Variants in SLC9A1 observed in about 807,000 individuals in gnomAD.
The protein encoded by SLC9A1 is sodium/hydrogen exchanger 1.
SLC9A1 carries 22 observed loss-of-function variants against 67.9 expected under a neutral mutation model. The observed-to-expected ratio is 0.32, with a 90% CI of 0.23 to 0.46. SLC9A1 has a LOEUF of 0.46. Among genes scored for constraint, SLC9A1 ranks in the 20% least tolerant of loss-of-function variants. SLC9A1 has a pLI of 1.00. For synonymous variants in SLC9A1, 421 were observed against 471.8 expected, an observed-to-expected ratio of 0.89 and a Z score of 1.40; for missense variants, 686 against 1,094.8, an observed-to-expected ratio of 0.63 and a Z score of 5.27.
In SLC9A1 at chr1:27,114,442, C is replaced by T. The variant is rs1034872906; in HGVS notation, c.353-156G>A. Among the ~76,000 whole-genome samples, 3 of 152,130 alleles carry T rather than the reference C, an allele frequency of 2.0e-5. No individual in the cohort carries two copies. Among genetic ancestry groups the T allele is most frequent in the Admixed American group, 6.5e-5 (1 of 15,278 alleles). On this transcript the variant is annotated intron_variant, in intron 1 of 11. Transcript: ENST00000263980. This position sits in a 1 kb window ranked among gnomAD's most constrained non-coding sequence, Gnocchi z 5.4. ...TGTTAACTCTCTGAGCCTCCGCTTC[C>T]TCGCCTGTAAAATGGAAGGGACAAT... is the stretch of plus-strand genomic sequence containing the variant.
In SLC9A1 at chr1:27,107,882, C is replaced by G. The variant is rs539531871; in HGVS notation, c.1065-17G>C. The G allele has an allele frequency of 6.4e-7, 1 of 1,566,764 alleles. No homozygotes were observed. ...GCTATGAGCCTGGAGCAGGAAAGAGCGGGGTCAGGGCTCCGTGTCGAGCTG... is the reference window on the plus strand; with the variant it reads ...GCTATGAGCCTGGAGCAGGAAAGAGGGGGGTCAGGGCTCCGTGTCGAGCTG... On this transcript the variant is annotated splice_polypyrimidine_tract_variant and intron_variant, in intron 3 of 11. Transcript: ENST00000263980.
In SLC9A1 at chr1:27,114,951, C is replaced by T. The variant is rs2083255250; in HGVS notation, c.353-665G>A. On this transcript the variant is annotated intron_variant, in intron 1 of 11. Coordinates refer to ENST00000263980, the MANE Select transcript of SLC9A1 (RefSeq NM_003047.5). This position sits in a 1 kb window ranked among gnomAD's most constrained non-coding sequence, Gnocchi z 5.4. ...TGAGTCCAGGCAGCTGCTCAAGACA[C>T]GGCTCAAGGATGTCAGTGGCAACCA... Among the ~76,000 whole-genome samples the T allele has an allele frequency of 6.6e-6, 1 of 152,144 alleles. No homozygotes were observed. Among genetic ancestry groups the T allele is most frequent in the Non-Finnish European group, 1.5e-5 (1 of 68,028 alleles).
At chr1:27,120,875 T>C (rs559719291) in intron 1 of SLC9A1, among the ~76,000 whole-genome samples, 1 of 152,126 alleles carries the variant, frequency 6.6e-6, no homozygotes, top group Non-Finnish European at 1.5e-5. Flanking sequence ...ATTTGACAGA[T>C]GAAGAAATCC....
intron 1 of SLC9A1, among the ~76,000 whole-genome samples, chr1:27,133,056 G>T (rs1021178150): frequency 4.6e-5 from 7 of 151,958 alleles, no homozygotes; most frequent in Non-Finnish European, 1.0e-4. Flanking sequence ...GCCCGTCAGG[G>T]TTTTGTTTCC....
rs770129667 is a variant in SLC9A1 at position 27,114,192 on chromosome 1, T to C, written c.447A>G (p.Val149=). The change falls in exon 2 of 12, where the codon GTA becomes GTG. Residue 149 remains valine, a synonymous_variant. Coordinates refer to ENST00000263980, the MANE Select transcript of SLC9A1 (RefSeq NM_003047.5). This position sits in a 1 kb window ranked among gnomAD's most constrained non-coding sequence, Gnocchi z 5.4. ...GLLVGGLIKG[V]GETPPFLQSD... The stretch of plus-strand genomic sequence containing the variant: ...ACTGCAGGAAGGGGGGTGTCTCGCC[T>C]ACACCCTTGATCAGGCCCCCCACCA... The C allele has an allele frequency of 1.5e-5, 24 of 1,614,026 alleles. No individual in the cohort carries two copies. The highest frequency in any genetic ancestry group is 2.0e-5 in the Non-Finnish European group (24 of 1,179,910).
rs1286276079 is a variant in SLC9A1, at chr1:27,109,416, A to G, written c.1064+111T>C. On this transcript the variant is annotated intron_variant, in intron 3 of 11. Transcript: ENST00000263980. The surrounding 1 kb of genome is among the most constrained non-coding windows in gnomAD (Gnocchi z 5.5). Reference sequence around the variant, plus strand: ...CCTGGAGTTCATGTCTCATCCCTGGAGCTCAAGGCTGGGCCCTGGGAGCTC... The same window carrying G: ...CCTGGAGTTCATGTCTCATCCCTGGGGCTCAAGGCTGGGCCCTGGGAGCTC... The G allele has an allele frequency of 3.4e-6, 4 of 1,174,260 alleles. No individual in the cohort carries two copies. Among genetic ancestry groups the G allele is most frequent in the Admixed American group, 3.6e-5 (2 of 54,802 alleles). 72.7% of individuals were successfully genotyped at this position (1,174,260 alleles called of 1,614,324 possible). A position where few individuals can be genotyped will look rare whatever the true frequency, so the allele number is the denominator to read the frequency against.
chr1:27,101,858 GC>G lies in SLC9A1; in HGVS notation c.1936-33del, dbSNP rs1226890126. 5 of 1,542,220 alleles carry G rather than the reference GC, an allele frequency of 3.2e-6. No individual in the cohort carries two copies. Among genetic ancestry groups the G allele is most frequent in the Non-Finnish European group, 4.5e-6 (5 of 1,118,078 alleles). ...GAGGGACAGCGTCAGGGCAGTGCGG[GC>G]CCCGGAAGGCTCTGCTCATGGAGGG... On this transcript the variant is annotated intron_variant, in intron 9 of 11. Coordinates refer to ENST00000263980, the MANE Select transcript of SLC9A1 (RefSeq NM_003047.5). The surrounding 1 kb of genome is among the most constrained non-coding windows in gnomAD (Gnocchi z 4.9).
chr1:27,128,136 G>A (rs1024777239), intron 1 of SLC9A1, among the ~76,000 whole-genome samples: 3 of 152,198 alleles, frequency 2.0e-5, no homozygotes, highest in African/African-American at 7.2e-5. Flanking sequence ...AAGCTTGCAC[G>A]AGGCAGCAGC....
chr1:27,102,435 C>G lies in SLC9A1; in HGVS notation c.1770G>C (p.Glu590Asp). 6.2e-7 allele frequency: 1 copy of G among 1,609,244 alleles called. No individual in the cohort carries two copies. Among genetic ancestry groups the G allele is most frequent in the African/African-American group, 1.3e-5 (1 of 74,984 alleles). Residue 590 changes from glutamate (E) to aspartate (D), a missense_variant, in exon 8 of 12, where the codon GAG becomes GAC. By Grantham distance (45) the Glu-to-Asp change is conservative (BLOSUM62 2). Around this residue, in one of 7 missense-constraint regions of SLC9A1, gnomAD observed 168 missense variants for 375.4 expected, o/e 0.45. Coordinates refer to ENST00000263980, the MANE Select transcript of SLC9A1 (RefSeq NM_003047.5). Reference sequence around the variant, plus strand: ...AGGGGATCTTGCCCATGCCCCCGCTCTCCACCAGCTCGATGGCCTGCTTCA... The same window carrying G: ...AGGGGATCTTGCCCATGCCCCCGCTGTCCACCAGCTCGATGGCCTGCTTCA... Reference protein sequence around the residue: ...MEMKQAIELVESGGMGKIPSA... With the variant: ...MEMKQAIELVDSGGMGKIPSA...
intron 1 of SLC9A1, among the ~76,000 whole-genome samples, chr1:27,140,333 T>C (rs567176325): frequency 6.6e-6 from 1 of 152,282 alleles, no homozygotes; most frequent in East Asian, 1.9e-4. Context: ...TTGCTGAACA[T>C]GTGTCTCCCC....
intron 1 of SLC9A1, among the ~76,000 whole-genome samples, chr1:27,143,127 C>A (rs1246021899): frequency 6.6e-6 from 1 of 151,064 alleles, no homozygotes; most frequent in Non-Finnish European, 1.5e-5. Flanking sequence ...CAACTGTCTG[C>A]AGACTATTTT....
At chr1:27,120,118 GT>G (rs531248912) in intron 1 of SLC9A1, among the ~76,000 whole-genome samples, 3 of 150,678 alleles carry the variant, frequency 2.0e-5, no homozygotes, top group African/African-American at 2.5e-5. Flanking sequence ...GGGATGGGAG[GT>G]TTTTTTTGTT....
At chr1:27,108,938 G>A (rs1016231236) in intron 3 of SLC9A1, among the ~76,000 whole-genome samples, 5 of 152,092 alleles carry the variant, frequency 3.3e-5, no homozygotes, top group South Asian at 2.1e-4. Context: ...CTTGGAGCTC[G>A]GAGTCCTCCC....
intron 1 of SLC9A1, among the ~76,000 whole-genome samples, chr1:27,131,623 C>T (rs182372892): frequency 6.6e-6 from 1 of 151,410 alleles, no homozygotes; most frequent in East Asian, 1.9e-4. Context: ...TGGCGCGCGC[C>T]TGTAGTCCCA....
chr1:27,120,480 G>A (rs959359782), intron 1 of SLC9A1, among the ~76,000 whole-genome samples: 1 of 151,394 alleles, frequency 6.6e-6, no homozygotes, highest in Non-Finnish European at 1.5e-5. Context: ...GCTCACGTCT[G>A]TAATCCCATC....
chr1:27,102,088 T>C lies in SLC9A1; in HGVS notation c.1863A>G (p.Pro621=), dbSNP rs775998463. ...CCTCCTCCTTGTCCTTGGACAGTGC[T>C]GGCAGGATGCGCTCGGAAGGCAGGG... ...PKSLPSERIL[P]ALSKDKEEEI... Residue 621 remains proline (P), a synonymous_variant, in exon 9 of 12, where the codon CCA becomes CCG. Transcript: ENST00000263980. The C allele has an allele frequency of 6.2e-7, 1 of 1,614,088 alleles. No individual in the cohort carries two copies. The highest frequency in any genetic ancestry group is 1.7e-5 in the Admixed American group (1 of 60,024).
chr1:27,100,582 G>T lies in SLC9A1; in HGVS notation c.2173C>A (p.Gln725Lys). Residue 725 changes from glutamine (Q) to lysine (K), a missense_variant, in exon 12 of 12, where the codon CAG (glutamine) becomes AAG (lysine). This residue lies in a region of SLC9A1 where 226 missense variants were observed against 282.4 expected (regional missense o/e 0.80). Coordinates refer to ENST00000263980, the MANE Select transcript of SLC9A1 (RefSeq NM_003047.5). This position sits in a 1 kb window ranked among gnomAD's most constrained non-coding sequence, Gnocchi z 5.6. ...ACCAGGTCCACAGACTCGGGTGACT[G>T]CGGGGAAGCCGGGTCGATGGTGATG... is the stretch of plus-strand genomic sequence containing the variant. The part of the protein sequence containing the change: ...PVITIDPASP[Q>K]SPESVDLVNE... The T allele has an allele frequency of 6.2e-7, 1 of 1,613,922 alleles. No individual in the cohort carries two copies. The highest frequency in any genetic ancestry group is 2.2e-5 in the East Asian group (1 of 44,882).
rs1157275362 is a variant in SLC9A1, at chr1:27,106,417, G to T, written c.1283-330C>A. Among the ~76,000 whole-genome samples the T allele has an allele frequency of 6.6e-6, 1 of 152,056 alleles. No homozygotes were observed. The highest frequency in any genetic ancestry group is 2.4e-5 in the African/African-American group (1 of 41,414). ...ACTTGTTAAATGTGATGGGTGTGTG[G>T]GGGGTCATGATCCTATTCTCTCTAC... On this transcript the variant is annotated intron_variant, in intron 4 of 11. Transcript: ENST00000263980. This position sits in a 1 kb window ranked among gnomAD's most constrained non-coding sequence, Gnocchi z 4.3.
rs1570839797 is a variant in SLC9A1 at position 27,099,963 on chromosome 1, C to CTAAG, written c.*340_*343dup. 1 of 272,516 alleles carries CTAAG rather than the reference C, an allele frequency of 3.7e-6. No individual in the cohort carries two copies. Among genetic ancestry groups the CTAAG allele is most frequent in the East Asian group, 6.4e-5 (1 of 15,592 alleles). 16.9% of individuals were successfully genotyped at this position (272,516 alleles called of 1,614,324 possible). ...GAGCCAGAGACTCTTTGGTTAGAAA[C>CTAAG]TAAGATTGGTCTGAATGAGGAGGAG... On this transcript the variant is annotated 3_prime_UTR_variant, in exon 12 of 12. Transcript: ENST00000263980.
Sources: allele counts gnomAD v4.1 joint callset (sites outside exome capture counted in the v4.1 genomes callset), GRCh38; gene constraint gnomAD v4.1.1; regional missense constraint gnomAD v4.1.1; non-coding constraint Gnocchi (gnomAD v3.1); transcripts MANE v1.5; gene names NCBI Gene and HGNC (gene_info 2026-07-23, HGNC 2026-07-21).